The following RIBC2 variants were observed in gnomAD, a reference collection of about 807,000 sequenced individuals.
The protein encoded by RIBC2 is RIB43A domain with coiled-coils 2.
In RIBC2, 40 loss-of-function variants were observed where a neutral mutation model predicts 44.3. That is an observed-to-expected ratio of 0.90 (90% CI 0.70 to 1.18). The LOEUF (loss-of-function observed/expected upper bound fraction) is 1.18, where lower values mean the gene tolerates loss of function less well. Ranked by LOEUF, RIBC2 falls within the 50% of genes most tolerant of loss-of-function variation. The pLI, the probability that RIBC2 is intolerant of heterozygous loss-of-function variation, is 0.00. For synonymous variants in RIBC2, 171 were observed against 175.0 expected (o/e 0.98, Z 0.18); for missense variants, 459 against 485.5 (o/e 0.95, Z 0.51).
intron 2 of RIBC2, among the ~76,000 whole-genome samples, chr22:45,414,883 T>C (rs954335081): frequency 2.0e-5 from 3 of 152,190 alleles, no homozygotes; most frequent in African/African-American, 7.2e-5. Context: ...TCACTTGCTC[T>C]GCTCAAAAGT....
In RIBC2 at chr22:45,425,953, C is replaced by A; in HGVS notation, c.681C>A (p.Ile227=). The change falls in exon 5 of 7, where the codon ATC becomes ATA. Residue 227 remains isoleucine, a synonymous_variant. Transcript: ENST00000614167. ...TAATGTCTTCACCTGCTTAGGCCAT[C>A]GAGTCAGTGGAAAGGAAAAAGCAAG... ...SVKDFNKSQA[I]ESVERKKQEK... is the part of the protein sequence containing the mutation. 1.2e-6 allele frequency: 2 copies of A among 1,612,944 alleles called. No homozygotes were observed. Among genetic ancestry groups the A allele is most frequent in the South Asian group, 1.1e-5 (1 of 90,892 alleles).
At chr22:45,419,417 A>G (rs919051760) in intron 3 of RIBC2, among the ~76,000 whole-genome samples, 1 of 151,474 alleles carries the variant, frequency 6.6e-6, no homozygotes, top group Non-Finnish European at 1.5e-5. Context: ...ACCCTCCAAC[A>G]TTCCCATTCT....
At chr22:45,422,017 T>C (rs1196692005) in intron 3 of RIBC2, among the ~76,000 whole-genome samples, 2 of 152,260 alleles carry the variant, frequency 1.3e-5, no homozygotes, top group East Asian at 3.9e-4. Flanking sequence ...AGAGTATCTC[T>C]TGCCCACTGT....
At chr22:45,422,631 G>C in intron 4 of RIBC2, 1 of 541,568 alleles carries the variant, frequency 1.8e-6, no homozygotes, top group Non-Finnish European at 3.3e-6. Flanking sequence ...TGCCAAACTA[G>C]CCATGTAACC....
chr22:45,414,717 GTTAAC>G lies in RIBC2; in HGVS notation c.211+319_211+323del, dbSNP rs983894289. On this transcript the variant is annotated intron_variant, in intron 2 of 6. Coordinates refer to ENST00000614167, the MANE Select transcript of RIBC2 (RefSeq NM_015653.5). ...TAAATTTCACAATTTCTTGTGCCCA[GTTAAC>G]TTAATGCACTGATTCTTCTCTTAAA... is the stretch of plus-strand genomic sequence containing the variant. Among the ~76,000 whole-genome samples the G allele has an allele frequency of 7.9e-5, 12 of 152,164 alleles. 2 individuals are homozygous for G. The highest frequency in any genetic ancestry group is 7.2e-5 in the African/African-American group (3 of 41,512).
At chr22:45,421,476 G>T (rs980670509) in intron 3 of RIBC2, among the ~76,000 whole-genome samples, 1 of 143,122 alleles carries the variant, frequency 7.0e-6, no homozygotes, top group South Asian at 2.2e-4. Flanking sequence ...TAATGCACTT[G>T]GATGTCTAAT....
intron 2 of RIBC2, among the ~76,000 whole-genome samples, chr22:45,416,033 A>G (rs562368924): frequency 6.6e-6 from 1 of 152,294 alleles, no homozygotes; most frequent in African/African-American, 2.4e-5. Context: ...CTATTTATGT[A>G]TGTATTCATA....
At chr22:45,431,899 G>A (rs983038485) in intron 6 of RIBC2, among the ~76,000 whole-genome samples, 5 of 152,198 alleles carry the variant, frequency 3.3e-5, no homozygotes, top group Non-Finnish European at 1.5e-5. Flanking sequence ...CCTGAGCCCA[G>A]GGGCTGGAGG....
At chr22:45,431,799 T>C (rs5765354) in intron 6 of RIBC2, among the ~76,000 whole-genome samples, 21,827 of 151,914 alleles carry the variant, frequency 0.14, 1,803 homozygotes, top group African/African-American at 0.22. Context: ...GAAACTAAAA[T>C]AAAACTAAAC....
At chr22:45,424,753 C>CTTTT (rs3071820) in intron 4 of RIBC2, among the ~76,000 whole-genome samples, 1 of 124,372 alleles carries the variant, frequency 8.0e-6, no homozygotes, top group African/African-American at 3.1e-5. Context: ...TTTCTTTTTT[C>CTTTT]TTTTTTTTTT....
Position 45,432,275 on chromosome 22 carries a change from T to C in RIBC2, c.1071-9T>C. 1.3e-6 allele frequency: 2 copies of C among 1,495,732 alleles called. No homozygotes were observed. The highest frequency in any genetic ancestry group is 1.4e-5 in the African/African-American group (1 of 71,278). The allele number at this position is 1,495,732 out of a possible 1,614,324, so 92.7% of individuals were successfully genotyped here. On this transcript the variant is annotated splice_polypyrimidine_tract_variant and intron_variant, in intron 6 of 6. Coordinates refer to ENST00000614167, the MANE Select transcript of RIBC2 (RefSeq NM_015653.5). ...TGCTGACCTTTTTTTTTTCTCATTT[T>C]GTTATCAGGAAAAAATATATGAATG...
At chr22:45,425,720 A>G (rs558376437) in intron 4 of RIBC2, among the ~76,000 whole-genome samples, 264 of 152,256 alleles carry the variant, frequency 1.7e-3, no homozygotes, top group Non-Finnish European at 3.3e-3. Flanking sequence ...GCATACACCC[A>G]ACAGGTGGTG....
chr22:45,417,615 G>A lies in RIBC2; in HGVS notation c.225G>A (p.Arg75=), dbSNP rs2087437120. 6.2e-7 allele frequency: 1 copy of A among 1,609,888 alleles called. No individual in the cohort carries two copies. Among genetic ancestry groups the A allele is most frequent in the Admixed American group, 1.7e-5 (1 of 59,930 alleles). Residue 75 remains arginine, a synonymous_variant, in exon 3 of 7, where the codon AGG becomes AGA. Coordinates refer to ENST00000614167, the MANE Select transcript of RIBC2 (RefSeq NM_015653.5). ...ARHETFAAEM[R]QNDKIMCILE... ...TATCTCTTCCAGCTGCTGAAATGAG[G>A]CAAAATGACAAAATCATGTGCATAT...
chr22:45,428,337 G>C (rs546062529), intron 5 of RIBC2, among the ~76,000 whole-genome samples: 1 of 152,382 alleles, frequency 6.6e-6, no homozygotes, highest in African/African-American at 2.4e-5. Flanking sequence ...GAGAAATGGA[G>C]TAGGAGCTGG....
At chr22:45,421,532 TTATTAATAATATTAA>T (rs1569208837) in intron 3 of RIBC2, among the ~76,000 whole-genome samples, 23 of 31,358 alleles carry the variant, frequency 7.3e-4, no homozygotes, top group African/African-American at 6.4e-3. Flanking sequence ...AATAATAGTA[TTATTAATAATATTAA>T]TAATAATAAT....
chr22:45,414,185 G>A (rs1201777113), intron 1 of RIBC2, 137 bp from the exon 2 acceptor site: 36 of 1,476,842 alleles, frequency 2.4e-5, no homozygotes, highest in Non-Finnish European at 3.2e-5. Flanking sequence ...AGTCACCAAC[G>A]GTTCTCCTCC....
intron 2 of RIBC2, among the ~76,000 whole-genome samples, chr22:45,416,962 C>T (rs559055962): frequency 7.0e-5 from 10 of 142,280 alleles, no homozygotes; most frequent in South Asian, 4.5e-4. Flanking sequence ...AATGCAGCGG[C>T]GTGATCTTGG....
At chr22:45,414,062 G>T in intron 1 of RIBC2, 47 bp downstream of exon 1, 2 of 1,546,152 alleles carry the variant, frequency 1.3e-6, no homozygotes, top group Non-Finnish European at 1.7e-6. Context: ...AGATGCGGGC[G>T]AGGGGCTGCG....
chr22:45,416,898 G>T (rs1442382950), intron 2 of RIBC2, among the ~76,000 whole-genome samples: 4 of 143,538 alleles, frequency 2.8e-5, no homozygotes, highest in Non-Finnish European at 6.0e-5. Context: ...TGATTACTCA[G>T]GTTTTTTTTT....
Sources: allele counts gnomAD v4.1 joint callset (sites outside exome capture counted in the v4.1 genomes callset), GRCh38; gene constraint gnomAD v4.1.1; transcripts MANE v1.5; gene names NCBI Gene and HGNC (gene_info 2026-07-23, HGNC 2026-07-21).